Variants in ASCC3 observed in about 807,000 individuals in gnomAD.
ASCC3 encodes ASC-1 complex subunit P200.
A neutral mutation model predicts 256.3 loss-of-function variants in ASCC3; 158 were observed. The observed-to-expected ratio is 0.62, with a 90% CI of 0.54 to 0.70. ASCC3 has a LOEUF of 0.70. ASCC3 is among the 30% of genes least tolerant of loss of function. The pLI, the probability that ASCC3 is intolerant of heterozygous loss-of-function variation, is 0.00. For synonymous variants in ASCC3, 948 were observed against 883.4 expected (o/e 1.07, Z -1.30); for missense variants, 2,259 against 2,626.0 (o/e 0.86, Z 3.05).
intron 4 of ASCC3, 44 bp downstream of exon 4, chr6:100,848,104 G>C: frequency 1.3e-6 from 2 of 1,497,506 alleles, no homozygotes; most frequent in South Asian, 2.7e-5. Context: ...ATTTCATTAG[G>C]ATAGTTCACA....
intron 13 of ASCC3, among the ~76,000 whole-genome samples, chr6:100,700,490 T>A (rs1463397554): frequency 6.6e-6 from 1 of 152,068 alleles, no homozygotes; most frequent in Non-Finnish European, 1.5e-5. Flanking sequence ...GCCACCATCC[T>A]CCAGACCCCA....
intron 13 of ASCC3, among the ~76,000 whole-genome samples, chr6:100,706,159 G>A (rs1286154262): frequency 6.7e-6 from 1 of 149,366 alleles, no homozygotes; most frequent in Non-Finnish European, 1.5e-5. Context: ...TAATAAAATT[G>A]AAGAGTTTAT....
In ASCC3 at chr6:100,531,064, T is replaced by A. The variant is rs188251174; in HGVS notation, c.5775+9099A>T. The A allele has an allele frequency of 1.5e-5, 22 of 1,471,044 alleles. No individual in the cohort carries two copies. In the East Asian group the frequency reaches 4.3e-4, roughly 29 times the overall value. The allele number at this position is 1,471,044 out of a possible 1,614,324, so 91.1% of individuals were successfully genotyped here. A position where few individuals can be genotyped will look rare whatever the true frequency, so the allele number is the denominator to read the frequency against. ...GTACAACAGTGTAGCACTAAAGGAA[T>A]CTTCTAGAACGTACATAGTCTGTAC... is the stretch of plus-strand genomic sequence containing the variant. On this transcript the variant is annotated intron_variant, in intron 37 of 41. Coordinates refer to ENST00000369162, the MANE Select transcript of ASCC3 (RefSeq NM_006828.4).
At chr6:100,821,494 T>C (rs1771040212) in intron 4 of ASCC3, among the ~76,000 whole-genome samples, 1 of 152,018 alleles carries the variant, frequency 6.6e-6, no homozygotes, top group South Asian at 2.1e-4. Flanking sequence ...AAATGTGATA[T>C]ATGAACAAAA....
At chr6:100,571,515 C>G (rs1034656101) in intron 36 of ASCC3, among the ~76,000 whole-genome samples, 3 of 152,132 alleles carry the variant, frequency 2.0e-5, no homozygotes, top group African/African-American at 7.2e-5. Flanking sequence ...GCTGTATCCT[C>G]CATGGCTGGA....
chr6:100,586,480 G>A (rs905109420), intron 36 of ASCC3, among the ~76,000 whole-genome samples: 5 of 152,272 alleles, frequency 3.3e-5, no homozygotes, highest in East Asian at 3.9e-4. Flanking sequence ...TCCAGGTGCC[G>A]TCTGTCACCC....
chr6:100,544,559 A>G lies in ASCC3; in HGVS notation c.5551-4172T>C, dbSNP rs1383431747. Among the ~76,000 whole-genome samples, 3 of 152,112 alleles carry G rather than the reference A, an allele frequency of 2.0e-5. 1 individual carries two copies. Among genetic ancestry groups the G allele is most frequent in the Admixed American group, 2.0e-4 (3 of 15,284 alleles). On this transcript the variant is annotated intron_variant, in intron 36 of 41. Transcript: ENST00000369162. ...CAGCTTTATGCCTTTACCTGTAAAAACTAAGATGAAATAGATAAACTCCTT... is the reference window on the plus strand; with the variant it reads ...CAGCTTTATGCCTTTACCTGTAAAAGCTAAGATGAAATAGATAAACTCCTT...
At position 100,848,737 on chromosome 6, in the gene ASCC3, C is replaced by T. The variant is rs775558098; in HGVS notation, c.242-30G>A. Reference sequence around the variant, plus strand: ...TCAAAGACAAAAGAAACAGTATTAGCTCAATTGAATCATGGTTCAAGTTAC... The same window carrying T: ...TCAAAGACAAAAGAAACAGTATTAGTTCAATTGAATCATGGTTCAAGTTAC... On this transcript the variant is annotated intron_variant, in intron 3 of 41. Transcript: ENST00000369162. The T allele has an allele frequency of 5.0e-6, 8 of 1,596,028 alleles. No homozygotes were observed. The South Asian group carries it at 7.7e-5, about 15-fold the overall frequency.
At chr6:100,681,922 C>T (rs1435179106) in intron 13 of ASCC3, among the ~76,000 whole-genome samples, 2 of 151,886 alleles carry the variant, frequency 1.3e-5, no homozygotes, top group African/African-American at 2.4e-5. Context: ...TTAAGAACTG[C>T]CACATAGGTT....
intron 20 of ASCC3, among the ~76,000 whole-genome samples, chr6:100,649,016 T>C (rs1264342322): frequency 2.6e-5 from 4 of 151,816 alleles, no homozygotes; most frequent in Admixed American, 2.0e-4. Context: ...GAAGAAAATA[T>C]CATTTTACAG....
At chr6:100,748,909 C>A (rs1416676623) in intron 10 of ASCC3, among the ~76,000 whole-genome samples, 1 of 151,938 alleles carries the variant, frequency 6.6e-6, no homozygotes, top group Non-Finnish European at 1.5e-5. Flanking sequence ...TATCATCCAT[C>A]AGCAGAAAAG....
chr6:100,683,794 T>TA (rs1219876728), intron 13 of ASCC3, among the ~76,000 whole-genome samples: 6 of 134,000 alleles, frequency 4.5e-5, no homozygotes, highest in Non-Finnish European at 6.4e-5. Context: ...GTTATGCATT[T>TA]AAAAATATTT....
rs575924541 is a variant in ASCC3, at chr6:100,804,167, A to G, written c.922+1593T>C. Among the ~76,000 whole-genome samples, 25 of 152,238 alleles carry G rather than the reference A, an allele frequency of 1.6e-4. No individual in the cohort carries two copies. In the South Asian group the frequency reaches 5.2e-3, roughly 32 times the overall value. On this transcript the variant is annotated intron_variant, in intron 5 of 41. Transcript: ENST00000369162. ...ATTGTATTGTGCTTAGACATGTGCT[A>G]AAGATTTTACAGGTAAAGAATCATG...
chr6:100,579,481 A>G (rs896990171), intron 36 of ASCC3, among the ~76,000 whole-genome samples: 1 of 152,132 alleles, frequency 6.6e-6, no homozygotes, highest in African/African-American at 2.4e-5. Flanking sequence ...TTTAGGTTTC[A>G]CATTCAAGTC....
intron 8 of ASCC3, among the ~76,000 whole-genome samples, chr6:100,773,025 T>C (rs1414409844): frequency 6.6e-6 from 1 of 152,166 alleles, no homozygotes; most frequent in East Asian, 1.9e-4. Context: ...ACATAAAATA[T>C]CCTAATTATT....
chr6:100,847,759 A>G (rs1184933984), intron 4 of ASCC3, among the ~76,000 whole-genome samples: 1 of 152,184 alleles, frequency 6.6e-6, no homozygotes, highest in African/African-American at 2.4e-5. Context: ...CAGTAAGTGG[A>G]AAGGGAAGAA....
intron 13 of ASCC3, among the ~76,000 whole-genome samples, chr6:100,680,196 A>C (rs1359416168): frequency 2.0e-5 from 3 of 152,190 alleles, no homozygotes; most frequent in Non-Finnish European, 4.4e-5. Flanking sequence ...ATCACTTAAA[A>C]TACAAAGGTT....
chr6:100,679,072 C>T (rs970525084), intron 14 of ASCC3, among the ~76,000 whole-genome samples: 10 of 152,002 alleles, frequency 6.6e-5, no homozygotes, highest in African/African-American at 2.4e-4. Flanking sequence ...TCTGGTTTGG[C>T]GAGTCCGGGT....
At chr6:100,583,799 T>C (rs569243358) in intron 36 of ASCC3, among the ~76,000 whole-genome samples, 5 of 152,198 alleles carry the variant, frequency 3.3e-5, no homozygotes, top group Admixed American at 6.5e-5. Flanking sequence ...TTTGTTCTCG[T>C]TGGTTTCAAA....
Sources: gnomAD v4.1 joint callset for allele counts (sites outside exome capture counted in the v4.1 genomes callset) on GRCh38, gnomAD v4.1.1 for gene constraint, MANE v1.5 for transcripts, NCBI Gene and HGNC (gene_info 2026-07-23, HGNC 2026-07-21) for gene names.